Variants in ENTHD1 observed in about 807,000 individuals in gnomAD.
ENTHD1 encodes ENTH domain-containing protein 1.
A neutral mutation model predicts 39.1 loss-of-function variants in ENTHD1; 23 were observed. That is an observed-to-expected ratio of 0.59 (90% CI 0.42 to 0.83). The LOEUF is 0.83. Among genes scored for constraint, ENTHD1 ranks in the 40% least tolerant of loss-of-function variants. The pLI is 0.00. For missense variants in ENTHD1, 624 were observed against 705.4 expected, an observed-to-expected ratio of 0.88 and a Z score of 1.31; for synonymous variants, 230 against 258.2, an observed-to-expected ratio of 0.89 and a Z score of 1.05.
intron 6 of ENTHD1, among the ~76,000 whole-genome samples, chr22:39,745,938 G>A (rs1472627163): frequency 6.6e-6 from 1 of 152,048 alleles, no homozygotes; most frequent in East Asian, 1.9e-4. Context: ...TTTTATCTCT[G>A]AAGCATTACA....
rs1057158455 is a variant in ENTHD1 at position 39,826,032 on chromosome 22, C to T, written c.712-4919G>A. ...CTGGGACTATAGGCGCACACCACCACGCCTGGCTAATTTTTGTATTTTGCA... is the reference window on the plus strand; with the variant it reads ...CTGGGACTATAGGCGCACACCACCATGCCTGGCTAATTTTTGTATTTTGCA... On this transcript the variant is annotated intron_variant, in intron 4 of 6. Transcript: ENST00000325157. Among the ~76,000 whole-genome samples, 6 of 152,156 alleles carry T rather than the reference C, an allele frequency of 3.9e-5. 1 individual carries two copies. The South Asian group carries it at 8.3e-4, about 21-fold the overall frequency.
intron 4 of ENTHD1, among the ~76,000 whole-genome samples, chr22:39,825,639 G>C (rs1455608420): frequency 1.3e-5 from 2 of 151,404 alleles, no homozygotes; most frequent in Non-Finnish European, 2.9e-5. Context: ...TATTGAGTTT[G>C]GGTAGTTTAC....
At chr22:39,885,796 G>A (rs2066374600) in intron 2 of ENTHD1, among the ~76,000 whole-genome samples, 1 of 152,138 alleles carries the variant, frequency 6.6e-6, no homozygotes, top group Non-Finnish European at 1.5e-5. Flanking sequence ...AGACAGATAG[G>A]GCCTTGGTGG....
At chr22:39,826,773 A>G (rs2065829713) in intron 4 of ENTHD1, among the ~76,000 whole-genome samples, 1 of 151,952 alleles carries the variant, frequency 6.6e-6, no homozygotes, top group Non-Finnish European at 1.5e-5. Flanking sequence ...GGAGGGGTAG[A>G]GGACATAAGG....
chr22:39,810,673 A>G (rs1270566652), intron 5 of ENTHD1, among the ~76,000 whole-genome samples: 1 of 152,210 alleles, frequency 6.6e-6, no homozygotes, highest in Non-Finnish European at 1.5e-5. Context: ...TGGACTGTCA[A>G]GGATGACGGT....
At chr22:39,875,258 G>A (rs1479130029) in intron 2 of ENTHD1, 2 of 1,191,498 alleles carry the variant, frequency 1.7e-6, no homozygotes, top group East Asian at 7.1e-5. Flanking sequence ...TAAATTTTAA[G>A]AACAAATGCA....
Position 39,887,854 on chromosome 22 carries a change from T to C in ENTHD1, c.-106A>G. The C allele has an allele frequency of 1.4e-6, 1 of 712,354 alleles. No individual in the cohort carries two copies. Among genetic ancestry groups the C allele is most frequent in the Non-Finnish European group, 2.2e-6 (1 of 444,930 alleles). The allele number at this position is 712,354 out of a possible 1,614,324, so 44.1% of individuals were successfully genotyped here. The stretch of plus-strand genomic sequence containing the variant: ...ACAGGTAATTGGTCCCCAGTTCTGC[T>C]GCTCCCAAATACAAATAATTAATCT... On this transcript the variant is annotated 5_prime_UTR_variant, in exon 2 of 7. Coordinates refer to ENST00000325157, the MANE Select transcript of ENTHD1 (RefSeq NM_152512.4).
chr22:39,785,737 T>A (rs1037311677), intron 5 of ENTHD1, among the ~76,000 whole-genome samples: 4 of 152,050 alleles, frequency 2.6e-5, no homozygotes, highest in Admixed American at 2.0e-4. Flanking sequence ...TCCGACCCCC[T>A]CCCCAATTTT....
rs560649164 is a variant in ENTHD1, at chr22:39,823,838, T to C, written c.712-2725A>G. 2.1e-4 allele frequency among the ~76,000 whole-genome samples: 32 copies of C among 152,344 alleles called. No individual in the cohort carries two copies. The East Asian group carries it at 5.6e-3, about 27-fold the overall frequency. ...TCACTAGCATTTAGTGTTGTCACTA[T>C]TTTTTAATTTTAGCCATTTTAATAT... On this transcript the variant is annotated intron_variant, in intron 4 of 6. Transcript: ENST00000325157.
At chr22:39,858,309 A>G (rs992505028) in intron 3 of ENTHD1, among the ~76,000 whole-genome samples, 3 of 152,208 alleles carry the variant, frequency 2.0e-5, no homozygotes, top group Admixed American at 6.5e-5. Flanking sequence ...GATTGCAGCA[A>G]TCCAGTCACA....
intron 5 of ENTHD1, among the ~76,000 whole-genome samples, chr22:39,817,299 T>C (rs2065741358): frequency 6.6e-6 from 1 of 152,214 alleles, no homozygotes; most frequent in Admixed American, 6.5e-5. Context: ...ACAAGGTTAT[T>C]CACTGAAGCA....
chr22:39,855,154 A>G (rs541654111), intron 3 of ENTHD1, among the ~76,000 whole-genome samples: 21 of 152,350 alleles, frequency 1.4e-4, no homozygotes, highest in African/African-American at 5.0e-4. Context: ...TACACAAAGC[A>G]ATAAGAATTA....
At chr22:39,891,997 T>TA (rs1330872169) in intron 1 of ENTHD1, among the ~76,000 whole-genome samples, 1 of 152,010 alleles carries the variant, frequency 6.6e-6, no homozygotes, top group Non-Finnish European at 1.5e-5. Context: ...AGCATGATAT[T>TA]AAAAAAATAA....
At position 39,875,727 on chromosome 22, in the gene ENTHD1, T is replaced by G. The variant is rs540581891; in HGVS notation, c.349+11673A>C. Reference sequence around the variant, plus strand: ...TCCAGCATGAGTGCTTCTGCTGATGTGTTGGCCCTGGCGAAAATCGAAATC... The same window carrying G: ...TCCAGCATGAGTGCTTCTGCTGATGGGTTGGCCCTGGCGAAAATCGAAATC... On this transcript the variant is annotated intron_variant, in intron 2 of 6. Coordinates refer to ENST00000325157, the MANE Select transcript of ENTHD1 (RefSeq NM_152512.4). The G allele has an allele frequency of 4.8e-4, 780 of 1,613,044 alleles. 16 individuals carry two copies. In the East Asian group the frequency reaches 0.016, roughly 34 times the overall value.
intron 5 of ENTHD1, among the ~76,000 whole-genome samples, chr22:39,785,755 C>T (rs896980319): frequency 4.6e-5 from 7 of 152,158 alleles, no homozygotes; most frequent in African/African-American, 1.4e-4. Context: ...TTTTAATCTT[C>T]GCATCTAGCA....
In ENTHD1 at chr22:39,743,615, T is replaced by G; in HGVS notation, c.*64A>C. 1 of 1,505,476 alleles carries G rather than the reference T, an allele frequency of 6.6e-7. No homozygotes were observed. The highest frequency in any genetic ancestry group is 8.9e-7 in the Non-Finnish European group (1 of 1,129,440). 93.3% of individuals were successfully genotyped at this position (1,505,476 alleles called of 1,614,324 possible). ...GCCATAATAATATGAATTTATACAATGCTAACGTAAGTCTTGGGGAAGTGG... is the reference window on the plus strand; with the variant it reads ...GCCATAATAATATGAATTTATACAAGGCTAACGTAAGTCTTGGGGAAGTGG... On this transcript the variant is annotated 3_prime_UTR_variant, in exon 7 of 7. Coordinates refer to ENST00000325157, the MANE Select transcript of ENTHD1 (RefSeq NM_152512.4).
chr22:39,806,738 G>C (rs2065643795), intron 5 of ENTHD1, among the ~76,000 whole-genome samples: 1 of 152,138 alleles, frequency 6.6e-6, no homozygotes. Flanking sequence ...CAGGCACAGG[G>C]TGTCTTCAGA....
chr22:39,747,725 T>C (rs2065116489), intron 6 of ENTHD1, among the ~76,000 whole-genome samples: 1 of 152,070 alleles, frequency 6.6e-6, no homozygotes, highest in Non-Finnish European at 1.5e-5. Flanking sequence ...CTTCCATTAC[T>C]CTTAGTTTGC....
chr22:39,760,087 A>G (rs1026787834), intron 6 of ENTHD1, among the ~76,000 whole-genome samples: 1 of 152,024 alleles, frequency 6.6e-6, no homozygotes, highest in Admixed American at 6.5e-5. Flanking sequence ...AATGTTAAAA[A>G]AAAGAAAAAT....
Sources: gnomAD v4.1 joint callset for allele counts (sites outside exome capture counted in the v4.1 genomes callset) on GRCh38, gnomAD v4.1.1 for gene constraint, MANE v1.5 for transcripts, NCBI Gene and HGNC (gene_info 2026-07-23, HGNC 2026-07-21) for gene names.